Variants in GSAP observed in about 807,000 individuals in gnomAD.
The protein encoded by GSAP is gamma-secretase activating protein.
A neutral mutation model predicts 131.7 loss-of-function variants in GSAP; 118 were observed. That is an observed-to-expected ratio of 0.90 (90% confidence interval 0.77 to 1.04). The LOEUF is 1.04. Among genes scored for constraint, GSAP ranks in the 50% least tolerant of loss-of-function variants. GSAP has a pLI of 0.00. For synonymous variants in GSAP, 381 were observed against 363.4 expected, an observed-to-expected ratio of 1.05 and a Z score of -0.55; for missense variants, 1,019 against 1,013.2, an observed-to-expected ratio of 1.01 and a Z score of -0.08.
intron 12 of GSAP, among the ~76,000 whole-genome samples, chr7:77,369,662 G>T (rs1252328529): frequency 6.6e-6 from 1 of 152,182 alleles, no homozygotes; most frequent in African/African-American, 2.4e-5. Flanking sequence ...CACAGTTTCT[G>T]GCCTCCATGC....
intron 19 of GSAP, among the ~76,000 whole-genome samples, chr7:77,346,270 C>CAAAAAAAAAAAAAA (rs1223497863): frequency 9.8e-5 from 4 of 40,902 alleles, no homozygotes; most frequent in Non-Finnish European, 1.9e-4. Context: ...GACTCCATCT[C>CAAAAAAAAAAAAAA]AAAAAAAAAA....
At chr7:77,314,259 C>T (rs1794730397) in intron 27 of GSAP, 111 bp downstream of exon 27, 26 of 1,113,418 alleles carry the variant, frequency 2.3e-5, no homozygotes, top group Non-Finnish European at 3.4e-5. Flanking sequence ...GCAGGGCACT[C>T]TTCTGAGTGC....
At chr7:77,411,043 A>G (rs1379256296) in intron 1 of GSAP, among the ~76,000 whole-genome samples, 1 of 150,636 alleles carries the variant, frequency 6.6e-6, no homozygotes, top group Non-Finnish European at 1.5e-5. Flanking sequence ...AGAGGAGACT[A>G]GGAAAGAATT....
At position 77,320,576 on chromosome 7, in the gene GSAP, A is replaced by G. The variant is rs954591673; in HGVS notation, c.2089+149T>C. The G allele has an allele frequency of 3.1e-5, 19 of 616,512 alleles. No individual in the cohort carries two copies. In the African/African-American group the frequency reaches 3.3e-4, roughly 11 times the overall value. 38.2% of individuals were successfully genotyped at this position (616,512 alleles called of 1,614,324 possible). ...GAGGAGCTCTGGTCAGCAGAGACCA[A>G]CCTAAGGGCCCATCACTCACAGTAA... is the stretch of plus-strand genomic sequence containing the variant. On this transcript the variant is annotated intron_variant, in intron 26 of 30. Transcript: ENST00000257626.
At position 77,330,259 on chromosome 7, in the gene GSAP, G is replaced by A; in HGVS notation, c.1654C>T (p.His552Tyr). ...YNNSVVRREWHNLISEEKTGK... is the reference protein window; with the variant it reads ...YNNSVVRREWYNLISEEKTGK... ...CATACCTCTTCAGAGATCAGGTTGT[G>A]CCACTCTCTCCTGACCACACTGTTG... The change falls in exon 20 of 31, where the codon CAC (histidine) becomes TAC (tyrosine). Residue 552 changes from histidine to tyrosine, a missense_variant. By Grantham distance (83) the His-to-Tyr change is moderately conservative. Coordinates refer to ENST00000257626, the MANE Select transcript of GSAP (RefSeq NM_017439.4). 1 of 1,612,706 alleles carries A rather than the reference G, an allele frequency of 6.2e-7. No individual in the cohort carries two copies. Among genetic ancestry groups the A allele is most frequent in the Non-Finnish European group, 8.5e-7 (1 of 1,179,234 alleles).
intron 12 of GSAP, among the ~76,000 whole-genome samples, chr7:77,371,422 ATCTTTTT>A (rs1796095868): frequency 5.0e-5 from 6 of 120,356 alleles, no homozygotes; most frequent in Admixed American, 1.0e-4. Context: ...TCCGTCCTCC[ATCTTTTT>A]TCTTTTTTTT....
Position 77,321,285 on chromosome 7 carries a change from G to T in GSAP, c.1994+48C>A, listed in dbSNP as rs1172020913. 6 of 1,191,704 alleles carry T rather than the reference G, an allele frequency of 5.0e-6. No individual in the cohort carries two copies. In the Admixed American group the frequency reaches 5.0e-5, roughly 10 times the overall value. The allele number at this position is 1,191,704 out of a possible 1,614,324, so 73.8% of individuals were successfully genotyped here. A position where few individuals can be genotyped will look rare whatever the true frequency, so the allele number is the denominator to read the frequency against. ...AAAAGGGTTTTGCTACAACAGAGTT[G>T]TTTCCACTCTTTGTACACCATGATA... On this transcript the variant is annotated intron_variant, in intron 25 of 30. Transcript: ENST00000257626.
intron 20 of GSAP, 28 bp downstream of exon 20, chr7:77,330,211 G>A (rs768641880): frequency 6.3e-7 from 1 of 1,596,274 alleles, no homozygotes; most frequent in Non-Finnish European, 8.5e-7. Flanking sequence ...CCTCGCTGCT[G>A]GCTTTGTTCT....
chr7:77,376,047 G>A (rs553969314), intron 10 of GSAP, among the ~76,000 whole-genome samples: 1 of 152,114 alleles, frequency 6.6e-6, no homozygotes, highest in African/African-American at 2.4e-5. Context: ...CAGGGGTAAC[G>A]CTAGATTTTG....
At chr7:77,333,689 A>G (rs549058915) in intron 19 of GSAP, among the ~76,000 whole-genome samples, 3 of 152,346 alleles carry the variant, frequency 2.0e-5, no homozygotes, top group South Asian at 4.1e-4. Flanking sequence ...AATAGGAGAT[A>G]TAGTTAAAGA....
At chr7:77,347,999 A>T (rs1286811046) in intron 19 of GSAP, among the ~76,000 whole-genome samples, 1 of 149,720 alleles carries the variant, frequency 6.7e-6, no homozygotes. Context: ...AAAAAAAAAA[A>T]AAATAAGAAA....
chr7:77,326,398 T>C (rs1049338981), intron 22 of GSAP, 125 bp from the exon 23 acceptor site: 2 of 639,796 alleles, frequency 3.1e-6, no homozygotes, highest in African/African-American at 3.6e-5. Flanking sequence ...GGATGAAAAT[T>C]TTTCATCACC....
intron 12 of GSAP, among the ~76,000 whole-genome samples, chr7:77,366,597 T>C (rs1795357156): frequency 6.6e-6 from 1 of 152,218 alleles, no homozygotes; most frequent in Non-Finnish European, 1.5e-5. Flanking sequence ...TATGTGCCTG[T>C]TTTGGTAACA....
chr7:77,393,467 TG>T, intron 5 of GSAP, among the ~76,000 whole-genome samples: 1 of 152,134 alleles, frequency 6.6e-6, no homozygotes, highest in South Asian at 2.1e-4. Context: ...ACATCTCCAC[TG>T]GGATGTCTAT....
At chr7:77,413,104 T>C (rs907531151) in intron 1 of GSAP, among the ~76,000 whole-genome samples, 3 of 152,178 alleles carry the variant, frequency 2.0e-5, no homozygotes, top group Non-Finnish European at 4.4e-5. Flanking sequence ...AGACAGAGTT[T>C]AGTACCCAGT....
intron 12 of GSAP, among the ~76,000 whole-genome samples, chr7:77,365,038 G>A (rs1795078008): frequency 6.6e-6 from 1 of 152,178 alleles, no homozygotes; most frequent in Admixed American, 6.5e-5. Flanking sequence ...ATGGCTCACT[G>A]TAGCCTTAAC....
chr7:77,359,371 C>T (rs1348738631), intron 14 of GSAP, among the ~76,000 whole-genome samples: 2 of 152,096 alleles, frequency 1.3e-5, no homozygotes, highest in Non-Finnish European at 2.9e-5. Context: ...AAATACTTAA[C>T]ATACACTATT....
chr7:77,328,575 C>A, intron 22 of GSAP, 31 bp downstream of exon 22: 1 of 1,601,990 alleles, frequency 6.2e-7, no homozygotes, highest in Non-Finnish European at 8.5e-7. Context: ...TGACTGGAAC[C>A]CAGAAGGCTT....
chr7:77,312,445 T>A (rs533555401), intron 28 of GSAP, among the ~76,000 whole-genome samples: 1 of 152,290 alleles, frequency 6.6e-6, no homozygotes, highest in East Asian at 1.9e-4. Flanking sequence ...CAAACCCTTT[T>A]ACTGAAATGG....
Sources: allele counts gnomAD v4.1 joint callset (sites outside exome capture counted in the v4.1 genomes callset), GRCh38; gene constraint gnomAD v4.1.1; transcripts MANE v1.5; gene names NCBI Gene and HGNC (gene_info 2026-07-23, HGNC 2026-07-21).